DLG2: variants seen among roughly 807,000 people sequenced by gnomAD.
DLG2 encodes the protein discs large MAGUK scaffold protein 2, also known as disks large homolog 2.
In DLG2, 45 loss-of-function variants were observed where a neutral mutation model predicts 132.5. The observed-to-expected ratio is 0.34, with a 90% CI of 0.27 to 0.44. The LOEUF (loss-of-function observed/expected upper bound fraction) is 0.44, where lower values mean the gene tolerates loss of function less well. DLG2 is among the 20% of genes least tolerant of loss of function. The pLI is 1.00. For synonymous variants in DLG2, 424 were observed against 419.6 expected, an observed-to-expected ratio of 1.01 and a Z score of -0.13; for missense variants, 1,045 against 1,196.9, an observed-to-expected ratio of 0.87 and a Z score of 1.87.
intron 21 of DLG2, among the ~76,000 whole-genome samples, chr11:83,489,529 T>G (rs567498488): frequency 6.6e-6 from 1 of 151,954 alleles, no homozygotes; most frequent in Non-Finnish European, 1.5e-5. Context: ...TCTGTGATAC[T>G]TATGAGCCAA....
chr11:83,874,439 G>T lies in DLG2; in HGVS notation c.1546C>A (p.Arg516=), dbSNP rs754993790. Residue 516 remains arginine (R), a synonymous_variant, in exon 16 of 28, where the codon CGG becomes AGG. Coordinates refer to ENST00000376104, the MANE Select transcript of DLG2 (RefSeq NM_001142699.3). ...ATRQPSMTLQ[R]AVSLEGEPRK... ...TCTTACCCTTCCAGGGAGACGGCCC[G>T]TTGGAGAGTCATTGAAGGCTGACGA... 4.4e-6 allele frequency: 7 copies of T among 1,600,218 alleles called. No individual in the cohort carries two copies. Among genetic ancestry groups the T allele is most frequent in the Admixed American group, 1.7e-5 (1 of 59,428 alleles).
chr11:85,604,295 T>C (rs757990454), intron 2 of DLG2, among the ~76,000 whole-genome samples: 12 of 152,232 alleles, frequency 7.9e-5, no homozygotes, highest in African/African-American at 2.2e-4. Flanking sequence ...CTTTTGATTA[T>C]TGAGAATGAT....
intron 4 of DLG2, among the ~76,000 whole-genome samples, chr11:85,194,191 G>T (rs2080859387): frequency 6.6e-6 from 1 of 152,346 alleles, no homozygotes; most frequent in Admixed American, 6.5e-5. Flanking sequence ...TGTGAAGACT[G>T]CAAGACTCTC....
chr11:83,559,926 C>A, intron 19 of DLG2, among the ~76,000 whole-genome samples: 1 of 152,028 alleles, frequency 6.6e-6, no homozygotes, highest in Admixed American at 6.6e-5. Context: ...CCATACTCAC[C>A]CTGAAGAGCC....
At chr11:83,893,865 A>G (rs1251626609) in intron 15 of DLG2, among the ~76,000 whole-genome samples, 3 of 152,188 alleles carry the variant, frequency 2.0e-5, no homozygotes, top group Non-Finnish European at 4.4e-5. Context: ...TACCTGAGGA[A>G]AATGTGTTGA....
chr11:85,495,904 A>G (rs2093658553), intron 3 of DLG2, among the ~76,000 whole-genome samples: 1 of 152,218 alleles, frequency 6.6e-6, no homozygotes, highest in African/African-American at 2.4e-5. Context: ...GATAGGCTGC[A>G]TAAAGAAAAT....
intron 6 of DLG2, among the ~76,000 whole-genome samples, chr11:84,571,767 T>C (rs2099485657): frequency 6.6e-6 from 1 of 152,118 alleles, no homozygotes; most frequent in East Asian, 1.9e-4. Flanking sequence ...GGATGGAAAG[T>C]TTGATTTTCA....
chr11:84,867,967 G>A (rs2084854885), intron 6 of DLG2, among the ~76,000 whole-genome samples: 3 of 151,908 alleles, frequency 2.0e-5, no homozygotes, highest in Non-Finnish European at 2.9e-5. Context: ...CCAGCTACTC[G>A]GGAGGCCGAG....
chr11:85,358,568 G>T (rs2083915255), intron 3 of DLG2, among the ~76,000 whole-genome samples: 1 of 152,226 alleles, frequency 6.6e-6, no homozygotes, highest in Non-Finnish European at 1.5e-5. Flanking sequence ...CTGTGTTCAA[G>T]TGTTCAAGGC....
intron 6 of DLG2, among the ~76,000 whole-genome samples, chr11:84,844,105 TTG>T (rs1213298818): frequency 0.013 from 1,058 of 80,548 alleles, 5 homozygotes; most frequent in African/African-American, 0.018. Context: ...ATATATATGT[TTG>T]TGTGTGTGTG....
At chr11:84,515,499 TATATAATGATA>T (rs2099270161) in intron 7 of DLG2, among the ~76,000 whole-genome samples, 1 of 151,880 alleles carries the variant, frequency 6.6e-6, no homozygotes, top group African/African-American at 2.4e-5. Flanking sequence ...TAAAGGTTAT[TATATAATGATA>T]AGGGGTTCAA....
chr11:84,384,259 A>G (rs543230738), intron 7 of DLG2, among the ~76,000 whole-genome samples: 136 of 152,036 alleles, frequency 8.9e-4, no homozygotes, highest in African/African-American at 3.0e-3. Flanking sequence ...TAGGAAAACC[A>G]AACAGGGCTA....
intron 3 of DLG2, among the ~76,000 whole-genome samples, chr11:85,592,354 A>T (rs2079414795): frequency 6.6e-6 from 1 of 152,238 alleles, no homozygotes; most frequent in Non-Finnish European, 1.5e-5. Flanking sequence ...GCAACTAAGA[A>T]TTTCACCTTC....
intron 11 of DLG2, among the ~76,000 whole-genome samples, chr11:83,999,487 A>G (rs750173421): frequency 5.3e-5 from 8 of 151,896 alleles, no homozygotes; most frequent in Non-Finnish European, 7.4e-5. Flanking sequence ...GGGCCTAATA[A>G]CCTGCCCACC....
At chr11:83,713,430 A>C (rs2085951696) in intron 18 of DLG2, among the ~76,000 whole-genome samples, 1 of 152,218 alleles carries the variant, frequency 6.6e-6, no homozygotes, top group Admixed American at 6.5e-5. Context: ...GAGAATGGCA[A>C]GACAAAGTAT....
intron 6 of DLG2, among the ~76,000 whole-genome samples, chr11:85,027,385 G>A (rs920891591): frequency 9.2e-5 from 14 of 152,038 alleles, no homozygotes; most frequent in Admixed American, 7.2e-4. Flanking sequence ...TAATTGTCAC[G>A]GGACCCTTGG....
chr11:83,547,702 TTTTAG>T (rs750950722), intron 19 of DLG2, among the ~76,000 whole-genome samples: 1 of 152,172 alleles, frequency 6.6e-6, no homozygotes, highest in Non-Finnish European at 1.5e-5. Context: ...GAAAGCTTTA[TTTTAG>T]TCTGGTGAGA....
intron 18 of DLG2, among the ~76,000 whole-genome samples, chr11:83,660,095 A>T (rs1268168803): frequency 1.3e-5 from 2 of 152,240 alleles, no homozygotes; most frequent in African/African-American, 4.8e-5. Flanking sequence ...ATAGAGGGTC[A>T]TACTTTAAGA....
intron 7 of DLG2, among the ~76,000 whole-genome samples, chr11:84,507,143 G>A (rs765310258): frequency 4.6e-5 from 7 of 152,092 alleles, no homozygotes; most frequent in African/African-American, 1.2e-4. Flanking sequence ...CACTCATATC[G>A]TCAATGAATA....
Sources: gnomAD v4.1 joint callset for allele counts (sites outside exome capture counted in the v4.1 genomes callset) on GRCh38, gnomAD v4.1.1 for gene constraint, MANE v1.5 for transcripts, NCBI Gene and HGNC (gene_info 2026-07-23, HGNC 2026-07-21) for gene names.